The following PCBP3 variants were observed in gnomAD, a reference collection of about 807,000 sequenced individuals.
PCBP3 encodes the protein poly(rC)-binding protein 3.
A neutral mutation model predicts 52.7 loss-of-function variants in PCBP3; 25 were observed. The observed-to-expected ratio is 0.47, with a 90% CI of 0.35 to 0.66. The LOEUF is 0.66. Among genes scored for constraint, PCBP3 ranks in the 30% least tolerant of loss-of-function variants. The probability of loss-of-function intolerance (pLI) is 0.01; values close to 1 mark genes in which losing one functional copy is unlikely to be tolerated. For synonymous variants in PCBP3, 162 were observed against 183.0 expected, an observed-to-expected ratio of 0.89 and a Z score of 0.93; for missense variants, 391 against 490.3, an observed-to-expected ratio of 0.80 and a Z score of 1.91.
At chr21:45,783,345 G>A (rs929743136) in intron 4 of PCBP3, among the ~76,000 whole-genome samples, 3 of 152,166 alleles carry the variant, frequency 2.0e-5, no homozygotes, top group African/African-American at 7.2e-5. Context: ...AGGCTGGTCC[G>A]AGTTGTTTTC....
chr21:45,769,621 T>C (rs1298190588), intron 4 of PCBP3, among the ~76,000 whole-genome samples: 1 of 152,252 alleles, frequency 6.6e-6, no homozygotes, highest in Non-Finnish European at 1.5e-5. Context: ...TCTCTGAAAC[T>C]CTGGGTTGGC....
intron 6 of PCBP3, 51 bp from the exon 7 acceptor site, chr21:45,899,548 C>T (rs558209139): frequency 2.4e-4 from 362 of 1,518,636 alleles, no homozygotes; most frequent in Middle Eastern, 6.8e-4. Flanking sequence ...CCAGTGTTTT[C>T]CTCCTCCTGC....
At chr21:45,708,167 T>A (rs146942069) in intron 2 of PCBP3, among the ~76,000 whole-genome samples, 14 of 152,330 alleles carry the variant, frequency 9.2e-5, no homozygotes, top group African/African-American at 3.1e-4. Context: ...AGACTGGTTC[T>A]ATGTGAAAGG....
intron 9 of PCBP3, among the ~76,000 whole-genome samples, chr21:45,903,942 A>G (rs2096132046): frequency 6.6e-6 from 1 of 152,120 alleles, no homozygotes; most frequent in South Asian, 2.1e-4. Flanking sequence ...TGAAATGTGA[A>G]ACCAAGGACT....
intron 11 of PCBP3, 195 bp downstream of exon 11, chr21:45,911,225 A>G (rs1476797871): frequency 4.4e-6 from 3 of 679,548 alleles, no homozygotes; most frequent in African/African-American, 3.5e-5. Context: ...CTGCCAGCTC[A>G]GGGTCCAGTG....
At chr21:45,652,434 T>C (rs2079745820) in intron 1 of PCBP3, among the ~76,000 whole-genome samples, 1 of 149,990 alleles carries the variant, frequency 6.7e-6, no homozygotes, top group African/African-American at 2.5e-5. Context: ...GTGACTGGAT[T>C]CTGATGGCTT....
At chr21:45,833,672 C>T (rs1291945110) in intron 4 of PCBP3, among the ~76,000 whole-genome samples, 1 of 152,218 alleles carries the variant, frequency 6.6e-6, no homozygotes, top group African/African-American at 2.4e-5. Context: ...AGTGTATGCG[C>T]CCATGAATGT....
At chr21:45,898,879 T>G (rs1317921536) in intron 6 of PCBP3, among the ~76,000 whole-genome samples, 8 of 146,994 alleles carry the variant, frequency 5.4e-5, no homozygotes, top group African/African-American at 2.1e-4. Flanking sequence ...CTGCACGCCG[T>G]CCTCACAGCC....
chr21:45,702,856 G>A (rs2083216753), intron 2 of PCBP3, among the ~76,000 whole-genome samples: 1 of 152,184 alleles, frequency 6.6e-6, no homozygotes, highest in African/African-American at 2.4e-5. Flanking sequence ...CAAAATTGGA[G>A]TCAGTCCTCT....
chr21:45,856,250 A>G (rs1162124333), intron 5 of PCBP3, among the ~76,000 whole-genome samples: 2 of 152,330 alleles, frequency 1.3e-5, no homozygotes, highest in South Asian at 2.1e-4. Flanking sequence ...GTGGACACCT[A>G]TGAGATTTCA....
chr21:45,750,644 C>T (rs948741392), intron 3 of PCBP3: 2 of 152,096 alleles, frequency 1.3e-5, no homozygotes, highest in Non-Finnish European at 2.9e-5. Flanking sequence ...CTAACTTTTC[C>T]ATATAATGTT....
chr21:45,648,876 G>T (rs1054239769), intron 1 of PCBP3, among the ~76,000 whole-genome samples: 1 of 152,018 alleles, frequency 6.6e-6, no homozygotes, highest in Admixed American at 6.6e-5. Flanking sequence ...ACATATTCTG[G>T]ATTCTATTTG....
intron 3 of PCBP3, among the ~76,000 whole-genome samples, chr21:45,742,402 T>A (rs1178316903): frequency 1.3e-5 from 2 of 152,230 alleles, no homozygotes; most frequent in Non-Finnish European, 2.9e-5. Context: ...ACACATGGCT[T>A]AGCTCTTTAA....
intron 2 of PCBP3, among the ~76,000 whole-genome samples, chr21:45,669,805 G>GTATATATATATATA (rs773020402): frequency 2.0e-5 from 1 of 49,726 alleles, no homozygotes; most frequent in Non-Finnish European, 3.9e-5. Flanking sequence ...GTGTGTGTGT[G>GTATATATATATATA]TATATATATA....
At chr21:45,877,600 T>C (rs1358049038) in intron 5 of PCBP3, among the ~76,000 whole-genome samples, 1 of 152,076 alleles carries the variant, frequency 6.6e-6, no homozygotes, top group Non-Finnish European at 1.5e-5. Context: ...GGTCAGGAGT[T>C]TGAGACCCGC....
At chr21:45,922,201 G>T (rs975416907) in intron 13 of PCBP3, among the ~76,000 whole-genome samples, 3 of 152,204 alleles carry the variant, frequency 2.0e-5, no homozygotes, top group Non-Finnish European at 2.9e-5. Flanking sequence ...TTTAATTACA[G>T]CGGGGAAGTT....
intron 5 of PCBP3, among the ~76,000 whole-genome samples, chr21:45,891,684 T>G (rs2095666582): frequency 2.6e-5 from 4 of 152,182 alleles, no homozygotes. Context: ...CACTGTAGAC[T>G]TGAAGTATGT....
chr21:45,860,726 G>A (rs992669409), intron 5 of PCBP3, among the ~76,000 whole-genome samples: 2 of 152,234 alleles, frequency 1.3e-5, no homozygotes, highest in Admixed American at 1.3e-4. Context: ...CGGGGGAGAT[G>A]GACAGCCCTT....
chr21:45,795,459 GA>G (rs991393247), intron 4 of PCBP3, among the ~76,000 whole-genome samples: 1 of 151,510 alleles, frequency 6.6e-6, no homozygotes, highest in Non-Finnish European at 1.5e-5. Flanking sequence ...AGTAAAAGTG[GA>G]AAAAAACACA....
Sources: gnomAD v4.1 joint callset for allele counts (sites outside exome capture counted in the v4.1 genomes callset) on GRCh38, gnomAD v4.1.1 for gene constraint, MANE v1.5 for transcripts, NCBI Gene and HGNC (gene_info 2026-07-23, HGNC 2026-07-21) for gene names.